Variants in RBFOX1 observed in about 807,000 individuals in gnomAD.
The protein encoded by RBFOX1 is RNA binding protein fox-1 homolog 1.
RBFOX1 carries 8 observed loss-of-function variants against 57.7 expected under a neutral mutation model. The observed-to-expected ratio is 0.14, with a 90% confidence interval of 0.08 to 0.25. RBFOX1 has a LOEUF of 0.25. Ranked by LOEUF, RBFOX1 falls within the 10% of genes least tolerant of loss-of-function variation. RBFOX1 has a pLI of 1.00. For synonymous variants in RBFOX1, 326 were observed against 222.4 expected, an observed-to-expected ratio of 1.47 and a Z score of -4.15; for missense variants, 611 against 548.5, an observed-to-expected ratio of 1.11 and a Z score of -1.14.
chr16:6,829,064 G>C (rs1038005968), intron 3 of RBFOX1, among the ~76,000 whole-genome samples: 5 of 152,028 alleles, frequency 3.3e-5, no homozygotes, highest in African/African-American at 1.2e-4. Flanking sequence ...CACCTGCCGG[G>C]ATCAGGGTCC....
chr16:5,863,839 A>T (rs2057283754), intron 3 of RBFOX1, among the ~76,000 whole-genome samples: 1 of 152,106 alleles, frequency 6.6e-6, no homozygotes, highest in South Asian at 2.1e-4. Flanking sequence ...AGTTCTTTTT[A>T]GTCTCCTCTT....
intron 1 of RBFOX1, among the ~76,000 whole-genome samples, chr16:5,269,515 A>G (rs1216713196): frequency 6.6e-6 from 1 of 152,270 alleles, no homozygotes; most frequent in Non-Finnish European, 1.5e-5. Context: ...TTGTCTACCC[A>G]CATGGTGGAA....
intron 2 of RBFOX1, among the ~76,000 whole-genome samples, chr16:6,567,816 A>T (rs533368508): frequency 1.1e-3 from 171 of 152,190 alleles, no homozygotes; most frequent in African/African-American, 2.4e-3. Context: ...CTATTTTTTT[A>T]AAATTTTTTA....
chr16:6,941,839 T>A (rs1281731892), intron 3 of RBFOX1, among the ~76,000 whole-genome samples: 1 of 152,038 alleles, frequency 6.6e-6, no homozygotes, highest in Non-Finnish European at 1.5e-5. Flanking sequence ...TTTTTCCCCC[T>A]AACTCTTTCC....
chr16:6,796,645 T>G (rs1043308488), intron 3 of RBFOX1, among the ~76,000 whole-genome samples: 1 of 152,150 alleles, frequency 6.6e-6, no homozygotes, highest in South Asian at 2.1e-4. Context: ...TTGTTAAAAA[T>G]TTTCTCTTGT....
rs980427629 is a variant in RBFOX1, at chr16:6,019,979, G to T, written c.-140G>T. On this transcript the variant is annotated 5_prime_UTR_variant, in exon 1 of 16. Transcript: ENST00000550418. This position sits in a 1 kb window ranked among gnomAD's most constrained non-coding sequence, Gnocchi z 4.2. ...CGAGAACGTGACCGCAGCCGGGCTC[G>T]CCGGGAGTTCTAGGTAAGTCCAGGC... The T allele has an allele frequency of 4.6e-6, 7 of 1,529,516 alleles. No homozygotes were observed. The Admixed American group carries it at 5.9e-5, about 13-fold the overall frequency. 94.7% of individuals were successfully genotyped at this position (1,529,516 alleles called of 1,614,324 possible).
rs569983692 is a variant in RBFOX1 at position 6,729,127 on chromosome 16, G to A, written c.-16+74477G>A. On this transcript the variant is annotated intron_variant, in intron 3 of 15. Coordinates refer to ENST00000550418, the MANE Select transcript of RBFOX1 (RefSeq NM_018723.4). ...TGGAGATACTAAACTAAGGAGTTTT[G>A]TTCTTTATATGATTTTGCTGATATT... Among the ~76,000 whole-genome samples, 122 of 152,160 alleles carry A rather than the reference G, an allele frequency of 8.0e-4. 1 individual carries two copies. Among genetic ancestry groups the A allele is most frequent in the Middle Eastern group, 3.4e-3 (1 of 294 alleles).
At chr16:7,407,772 T>A (rs2098371320) in intron 4 of RBFOX1, among the ~76,000 whole-genome samples, 1 of 152,198 alleles carries the variant, frequency 6.6e-6, no homozygotes, top group Non-Finnish European at 1.5e-5. Flanking sequence ...CTTCATAGAT[T>A]CAGTCTATTC....
intron 3 of RBFOX1, among the ~76,000 whole-genome samples, chr16:5,738,736 G>A (rs2052671056): frequency 6.6e-6 from 1 of 151,974 alleles, no homozygotes. Flanking sequence ...TTTGAATTGG[G>A]AGCTGGAGTG....
chr16:7,035,287 C>T (rs1055387826), intron 3 of RBFOX1, among the ~76,000 whole-genome samples: 3 of 152,114 alleles, frequency 2.0e-5, no homozygotes, highest in African/African-American at 7.2e-5. Flanking sequence ...CTTCATTCCT[C>T]ACCCAGGCTT....
chr16:5,834,089 G>A (rs1000203037), intron 3 of RBFOX1, among the ~76,000 whole-genome samples: 1 of 152,190 alleles, frequency 6.6e-6, no homozygotes, highest in Non-Finnish European at 1.5e-5. Flanking sequence ...TAGTTGCAGA[G>A]GTCGTCTGTG....
chr16:5,654,949 C>T (rs952681366), intron 3 of RBFOX1, among the ~76,000 whole-genome samples: 1 of 152,140 alleles, frequency 6.6e-6, no homozygotes, highest in African/African-American at 2.4e-5. Context: ...GACAGCTCCC[C>T]CCCAGCAAGT....
At chr16:7,666,662 G>T (rs1303609433) in intron 13 of RBFOX1, among the ~76,000 whole-genome samples, 1 of 152,160 alleles carries the variant, frequency 6.6e-6, no homozygotes, top group Non-Finnish European at 1.5e-5. Flanking sequence ...GTGTGTGTCT[G>T]TATCGATTGG....
intron 2 of RBFOX1, among the ~76,000 whole-genome samples, chr16:6,566,625 A>G (rs1262934669): frequency 6.6e-6 from 1 of 152,244 alleles, no homozygotes; most frequent in East Asian, 1.9e-4. Flanking sequence ...GGTATTACTG[A>G]TAGGTATTCA....
chr16:5,311,028 A>T (rs1384174118), intron 1 of RBFOX1, among the ~76,000 whole-genome samples: 1 of 152,092 alleles, frequency 6.6e-6, no homozygotes, highest in African/African-American at 2.4e-5. Context: ...TGTCTGTGAT[A>T]CCACTCTGTA....
intron 2 of RBFOX1, among the ~76,000 whole-genome samples, chr16:6,560,118 G>A (rs1490330403): frequency 1.3e-5 from 2 of 150,996 alleles, no homozygotes; most frequent in East Asian, 1.9e-4. Flanking sequence ...TGTGCGGTGG[G>A]GTAATCACTC....
At chr16:5,883,791 C>T (rs1334835701) in intron 4 of RBFOX1, among the ~76,000 whole-genome samples, 1 of 152,150 alleles carries the variant, frequency 6.6e-6, no homozygotes, top group African/African-American at 2.4e-5. Context: ...GTGTCTTTTT[C>T]ATATTTCACA....
chr16:6,931,572 G>C (rs957501791), intron 3 of RBFOX1, among the ~76,000 whole-genome samples: 10 of 151,982 alleles, frequency 6.6e-5, no homozygotes, highest in Non-Finnish European at 1.3e-4. Flanking sequence ...TCACACTCTT[G>C]CCACCCTACA....
chr16:6,193,440 A>C (rs1383082824), intron 1 of RBFOX1, among the ~76,000 whole-genome samples: 4 of 102,028 alleles, frequency 3.9e-5, no homozygotes, highest in Non-Finnish European at 4.3e-5. Flanking sequence ...TTCAGTGAGA[A>C]GGTTAGTAGG....
Sources: gnomAD v4.1 joint callset for allele counts (sites outside exome capture counted in the v4.1 genomes callset) on GRCh38, gnomAD v4.1.1 for gene constraint, Gnocchi (gnomAD v3.1) non-coding constraint, MANE v1.5 for transcripts, NCBI Gene and HGNC (gene_info 2026-07-23, HGNC 2026-07-21) for gene names.